The following ERICH1 variants were observed in gnomAD, a reference collection of about 807,000 sequenced individuals.
ERICH1 encodes glutamate rich 1.
A neutral mutation model predicts 39.6 loss-of-function variants in ERICH1; 56 were observed. That is an observed-to-expected ratio of 1.41 (90% CI 1.14 to 1.77). The LOEUF (loss-of-function observed/expected upper bound fraction) is 1.77, where lower values mean the gene tolerates loss of function less well. Among genes scored for constraint, ERICH1 ranks in the 40% most tolerant of loss-of-function variants. The probability of loss-of-function intolerance (pLI) is 0.00; values close to 1 mark genes in which losing one functional copy is unlikely to be tolerated. For missense variants in ERICH1, 826 were observed against 575.4 expected (o/e 1.44, Z -4.45); for synonymous variants, 313 against 223.6 (o/e 1.40, Z -3.57).
intron 3 of ERICH1, among the ~76,000 whole-genome samples, chr8:691,283 A>C (rs893244076): frequency 6.6e-6 from 1 of 152,232 alleles, no homozygotes; most frequent in African/African-American, 2.4e-5. Context: ...TGTGAAGAGA[A>C]ATGCCTGTCT....
intron 3 of ERICH1, among the ~76,000 whole-genome samples, chr8:652,896 G>A (rs1283929326): frequency 6.6e-6 from 1 of 152,194 alleles, no homozygotes; most frequent in Non-Finnish European, 1.5e-5. Context: ...AAACCACGAG[G>A]TGCTGCTTCA....
intron 3 of ERICH1, among the ~76,000 whole-genome samples, chr8:651,489 A>G (rs1339486254): frequency 6.6e-6 from 1 of 152,194 alleles, no homozygotes; most frequent in Non-Finnish European, 1.5e-5. Flanking sequence ...GCAATGGGGC[A>G]GGTGGAGAAA....
At chr8:710,059 C>T (rs993017574) in intron 2 of ERICH1, among the ~76,000 whole-genome samples, 7 of 152,194 alleles carry the variant, frequency 4.6e-5, no homozygotes, top group African/African-American at 1.7e-4. Context: ...CATAACAGTG[C>T]ACATGCTCCC....
intron 3 of ERICH1, among the ~76,000 whole-genome samples, chr8:649,749 A>T (rs1023136653): frequency 6.6e-6 from 1 of 152,064 alleles, no homozygotes; most frequent in Non-Finnish European, 1.5e-5. Context: ...CAGTGTGACC[A>T]TGAGCGCAGG....
In ERICH1 at chr8:688,209, G is replaced by A. The variant is rs187589665; in HGVS notation, c.304+4269C>T. 8.0e-5 allele frequency among the ~76,000 whole-genome samples: 11 copies of A among 137,440 alleles called. No homozygotes were observed. In the East Asian group the frequency reaches 2.4e-3, roughly 30 times the overall value. The allele number at this position is 137,440 out of a possible 152,430, so 90.2% of individuals were successfully genotyped here. The stretch of plus-strand genomic sequence containing the variant: ...CAGGACACGGCAAGGCCCCTGAGCC[G>A]CCCACGCAGGTTTCCCGACGTTCTC... On this transcript the variant is annotated intron_variant, in intron 3 of 5. Transcript: ENST00000262109.
At chr8:697,798 G>T (rs536109049) in intron 2 of ERICH1, among the ~76,000 whole-genome samples, 57 of 152,188 alleles carry the variant, frequency 3.7e-4, no homozygotes, top group Non-Finnish European at 5.9e-4. Flanking sequence ...ACATGCAGCA[G>T]CAGCAGCACG....
intron 3 of ERICH1, among the ~76,000 whole-genome samples, chr8:631,537 T>C (rs1390373560): frequency 1.3e-5 from 2 of 152,178 alleles, no homozygotes; most frequent in African/African-American, 4.8e-5. Flanking sequence ...CGAGAAGTCT[T>C]GAGGCCTGGG....
chr8:718,641 G>C (rs1378075991), intron 1 of ERICH1, among the ~76,000 whole-genome samples: 1 of 152,212 alleles, frequency 6.6e-6, no homozygotes, highest in Admixed American at 6.5e-5. Context: ...TGACATGGCA[G>C]AGGCCACCCT....
intron 3 of ERICH1, among the ~76,000 whole-genome samples, chr8:687,677 C>T (rs1252072586): frequency 5.9e-5 from 9 of 152,112 alleles, no homozygotes; most frequent in African/African-American, 1.9e-4. Flanking sequence ...CGAGGCAGGA[C>T]GCAGCGCTGA....
chr8:649,949 G>A (rs1360621212), intron 3 of ERICH1, among the ~76,000 whole-genome samples: 2 of 152,192 alleles, frequency 1.3e-5, no homozygotes, highest in Admixed American at 6.5e-5. Flanking sequence ...GCGTCAGGGA[G>A]AAGACGGCAG....
intron 2 of ERICH1, among the ~76,000 whole-genome samples, chr8:693,401 A>G (rs891231848): frequency 3.3e-5 from 5 of 152,258 alleles, no homozygotes; most frequent in South Asian, 2.1e-4. Flanking sequence ...AAATCTGCAT[A>G]CTTTTAATGG....
chr8:621,483 CTA>C (rs1308766674), intron 3 of ERICH1, among the ~76,000 whole-genome samples: 4 of 151,280 alleles, frequency 2.6e-5, no homozygotes, highest in African/African-American at 9.7e-5. Flanking sequence ...TTTTTGTCAA[CTA>C]TATGTTAATA....
At chr8:659,814 GA>G, downstream of ERICH1, among the ~76,000 whole-genome samples, 3 of 47,396 alleles carry the variant, frequency 6.3e-5, no homozygotes, top group African/African-American at 2.2e-4. Context: ...TGACCATCGA[GA>G]TCTCCGGTGT....
chr8:664,590 G>C lies in ERICH1; in HGVS notation c.*13C>G. ...TTGTTAAAGAGGAGCTGTTCTTAAAGAGATATTCCATTTTAGTCACTGCTC... is the reference window on the plus strand; with the variant it reads ...TTGTTAAAGAGGAGCTGTTCTTAAACAGATATTCCATTTTAGTCACTGCTC... On this transcript the variant is annotated 3_prime_UTR_variant, in exon 6 of 6. Coordinates refer to ENST00000262109, the MANE Select transcript of ERICH1 (RefSeq NM_207332.3). 1 of 1,602,556 alleles carries C rather than the reference G, an allele frequency of 6.2e-7. No homozygotes were observed. The highest frequency in any genetic ancestry group is 8.5e-7 in the Non-Finnish European group (1 of 1,175,792).
At chr8:655,308 C>T (rs1239578218) in intron 3 of ERICH1, among the ~76,000 whole-genome samples, 1 of 152,224 alleles carries the variant, frequency 6.6e-6, no homozygotes, top group Non-Finnish European at 1.5e-5. Context: ...ATGCCACAGG[C>T]AGGTTGTAAG....
At chr8:683,273 G>A (rs746977100) in intron 3 of ERICH1, among the ~76,000 whole-genome samples, 3 of 152,098 alleles carry the variant, frequency 2.0e-5, no homozygotes, top group Non-Finnish European at 4.4e-5. Context: ...ATTCATGTTC[G>A]GTTTGGCCTT....
intron 3 of ERICH1, among the ~76,000 whole-genome samples, chr8:649,694 G>A (rs1703938): frequency 0.13 from 19,757 of 152,192 alleles, 1,577 homozygotes; most frequent in East Asian, 0.34. Flanking sequence ...CCAGGAGGCA[G>A]GAGCTGGAAG....
At chr8:707,359 C>T (rs764098507) in intron 2 of ERICH1, among the ~76,000 whole-genome samples, 6 of 152,032 alleles carry the variant, frequency 3.9e-5, no homozygotes, top group Non-Finnish European at 8.8e-5. Flanking sequence ...AGGTACCTGC[C>T]ACCATGCCTG....
chr8:627,019 T>A lies in ERICH1; in HGVS notation c.977-11735A>T, dbSNP rs186382527. The A allele has an allele frequency of 1.4e-5, 6 of 433,326 alleles. No individual in the cohort carries two copies. The East Asian group carries it at 4.3e-4, about 31-fold the overall frequency. The allele number at this position is 433,326 out of a possible 1,614,324, so 26.8% of individuals were successfully genotyped here. A position where few individuals can be genotyped will look rare whatever the true frequency, so the allele number is the denominator to read the frequency against. On this transcript the variant is annotated intron_variant, in intron 3 of 3. Transcript: ENST00000522706. ...GGTACTCACCAAGCTCTCGTCATGG[T>A]GTCCGACACTCCCTTCTGTCTCCTC...
Sources: allele counts gnomAD v4.1 joint callset (sites outside exome capture counted in the v4.1 genomes callset), GRCh38; gene constraint gnomAD v4.1.1; transcripts MANE v1.5; gene names NCBI Gene and HGNC (gene_info 2026-07-23, HGNC 2026-07-21).